Variants in ZNF609 observed in about 807,000 individuals in gnomAD.
ZNF609 encodes zinc finger protein 609.
In ZNF609, 11 loss-of-function variants were observed where a neutral mutation model predicts 109.5. That is an observed-to-expected ratio of 0.10 (90% confidence interval 0.06 to 0.17). ZNF609 has a LOEUF of 0.17. ZNF609 is among the 10% of genes least tolerant of loss of function. The pLI, the probability that ZNF609 is intolerant of heterozygous loss-of-function variation, is 1.00. For synonymous variants in ZNF609, 646 were observed against 662.0 expected (o/e 0.98, Z 0.37); for missense variants, 1,559 against 1,772.4 (o/e 0.88, Z 2.16).
At chr15:64,580,556 C>CTTTTTTTT (rs66976954) in intron 2 of ZNF609, among the ~76,000 whole-genome samples, 1 of 144,240 alleles carries the variant, frequency 6.9e-6, no homozygotes. Context: ...CTTTTCTTTT[C>CTTTTTTTT]TTTTTTTTTT....
chr15:64,538,703 C>T (rs368379645), intron 2 of ZNF609, among the ~76,000 whole-genome samples: 113 of 151,082 alleles, frequency 7.5e-4, no homozygotes, highest in African/African-American at 2.5e-3. Context: ...TGCACAATCA[C>T]GCCTGGCTAA....
At chr15:64,654,953 GAGCGT>G (rs1402804186) in intron 3 of ZNF609, among the ~76,000 whole-genome samples, 1 of 151,956 alleles carries the variant, frequency 6.6e-6, no homozygotes, top group African/African-American at 2.4e-5. Flanking sequence ...ACAATTAGCT[GAGCGT>G]GGTGATGGGC....
chr15:64,609,143 T>TC (rs751951696), intron 2 of ZNF609, among the ~76,000 whole-genome samples: 44 of 146,320 alleles, frequency 3.0e-4, no homozygotes, highest in African/African-American at 1.1e-3. Flanking sequence ...TTTCTTTCTT[T>TC]TTTTTCTCTC....
At chr15:64,529,190 C>T (rs1189945231) in intron 2 of ZNF609, 14 of 733,932 alleles carry the variant, frequency 1.9e-5, no homozygotes, top group Non-Finnish European at 3.3e-5. Flanking sequence ...ATGACCTTGG[C>T]TGGGGCGCTA....
chr15:64,576,057 G>T (rs565177026), intron 2 of ZNF609, among the ~76,000 whole-genome samples: 1 of 152,076 alleles, frequency 6.6e-6, no homozygotes, highest in Non-Finnish European at 1.5e-5. Context: ...AGCCGAGATC[G>T]CGCCGCTGCA....
chr15:64,535,347 T>C (rs1894124187), intron 2 of ZNF609, among the ~76,000 whole-genome samples: 1 of 152,164 alleles, frequency 6.6e-6, no homozygotes, highest in Admixed American at 6.5e-5. Context: ...TGGACAAAAA[T>C]GTTATATAAA....
chr15:64,640,085 A>C (rs1287829535), intron 3 of ZNF609, among the ~76,000 whole-genome samples: 2 of 151,398 alleles, frequency 1.3e-5, no homozygotes, highest in Non-Finnish European at 3.0e-5. Flanking sequence ...ACACCCAGCT[A>C]ATTGTTGTAT....
chr15:64,558,211 T>C (rs1233535786), intron 2 of ZNF609, among the ~76,000 whole-genome samples: 1 of 152,184 alleles, frequency 6.6e-6, no homozygotes, highest in Non-Finnish European at 1.5e-5. Context: ...CTCCAAATTG[T>C]AATACGTACA....
chr15:64,603,270 ATTT>A (rs540033727), intron 2 of ZNF609, among the ~76,000 whole-genome samples: 1 of 125,796 alleles, frequency 7.9e-6, no homozygotes, highest in Non-Finnish European at 1.7e-5. Flanking sequence ...ACTGAGTCCT[ATTT>A]TTTTTTTTTT....
intron 2 of ZNF609, among the ~76,000 whole-genome samples, chr15:64,555,574 C>T (rs1275604205): frequency 6.8e-6 from 1 of 146,926 alleles, no homozygotes; most frequent in Non-Finnish European, 1.5e-5. Context: ...GGCCGTTAAG[C>T]GAAATTCTGT....
chr15:64,507,608 A>G (rs955137427), intron 2 of ZNF609, among the ~76,000 whole-genome samples: 1 of 152,250 alleles, frequency 6.6e-6, no homozygotes, highest in African/African-American at 2.4e-5. Context: ...GCATGTGTCA[A>G]GAGCTACAAA....
intron 2 of ZNF609, among the ~76,000 whole-genome samples, chr15:64,575,596 G>A (rs73453925): frequency 0.052 from 7,898 of 151,968 alleles, 693 homozygotes; most frequent in African/African-American, 0.18. Context: ...TCTTAATACC[G>A]AATTCTCTTT....
At chr15:64,511,481 C>CA (rs796464007) in intron 2 of ZNF609, among the ~76,000 whole-genome samples, 6,293 of 65,008 alleles carry the variant, frequency 0.097, 204 homozygotes, top group African/African-American at 0.13. Flanking sequence ...AACTTTGTCT[C>CA]AAAAAAAAAA....
At chr15:64,479,780 A>G (rs1402029700) in intron 1 of ZNF609, among the ~76,000 whole-genome samples, 11 of 151,672 alleles carry the variant, frequency 7.3e-5, no homozygotes. Context: ...TTAGCTGGGC[A>G]TGGTGGTGCA....
At chr15:64,575,971 G>A (rs545298807) in intron 2 of ZNF609, among the ~76,000 whole-genome samples, 7 of 152,036 alleles carry the variant, frequency 4.6e-5, no homozygotes, top group East Asian at 1.9e-4. Flanking sequence ...GCGCGGTGGC[G>A]GGCACCTGTA....
At chr15:64,606,220 C>T (rs1895596882) in intron 2 of ZNF609, among the ~76,000 whole-genome samples, 2 of 151,370 alleles carry the variant, frequency 1.3e-5, no homozygotes, top group South Asian at 4.2e-4. Context: ...CTCAAGCAGT[C>T]CTCCTGCCTC....
At chr15:64,529,369 C>T in intron 2 of ZNF609, 1 of 734,998 alleles carries the variant, frequency 1.4e-6, no homozygotes. Context: ...GTGGTGAAGA[C>T]ACCAGTGAAC....
chr15:64,587,548 C>G (rs1895217711), intron 2 of ZNF609, among the ~76,000 whole-genome samples: 1 of 152,088 alleles, frequency 6.6e-6, no homozygotes. Context: ...TGTGGCGAGA[C>G]TAGTAAAAGT....
intron 1 of ZNF609, among the ~76,000 whole-genome samples, chr15:64,475,957 G>A (rs584422): frequency 0.84 from 128,228 of 152,206 alleles, 56,034 homozygotes; most frequent in East Asian, 0.96. Flanking sequence ...ATAAACTAGG[G>A]AAAAGGCAGA....
Sources: allele counts gnomAD v4.1 joint callset (sites outside exome capture counted in the v4.1 genomes callset), GRCh38; gene constraint gnomAD v4.1.1; transcripts MANE v1.5; gene names NCBI Gene and HGNC (gene_info 2026-07-23, HGNC 2026-07-21).